Variants in P2RY12 observed in about 807,000 individuals in gnomAD.
P2RY12 encodes the protein P2Y purinoceptor 12.
P2RY12 carries 3 observed loss-of-function variants against 4.5 expected under a neutral mutation model. That is an observed-to-expected ratio of 0.67 (90% CI 0.31 to 1.74). The LOEUF is 1.74. Among genes scored for constraint, P2RY12 ranks in the 40% most tolerant of loss-of-function variants. P2RY12 has a pLI of 0.09. For synonymous variants in P2RY12, 148 were observed against 154.1 expected, an observed-to-expected ratio of 0.96 and a Z score of 0.29; for missense variants, 356 against 407.8, an observed-to-expected ratio of 0.87 and a Z score of 1.09.
At chr3:151,376,119 C>T in intron 1 of P2RY12, 1 of 1,611,318 alleles carries the variant, frequency 6.2e-7, no homozygotes, top group Non-Finnish European at 8.5e-7. Context: ...TATGCAAGCA[C>T]AGAAATTACT....
intron 1 of P2RY12, among the ~76,000 whole-genome samples, chr3:151,342,497 A>G (rs143141393): frequency 3.3e-5 from 5 of 152,342 alleles, no homozygotes; most frequent in Admixed American, 6.5e-5. Context: ...TTGGGCACCA[A>G]TCTAGCTGAG....
At chr3:151,384,534 C>T (rs886459078) in intron 1 of P2RY12, among the ~76,000 whole-genome samples, 158 bp downstream of exon 1, 5 of 151,938 alleles carry the variant, frequency 3.3e-5, no homozygotes, top group African/African-American at 4.8e-5. Context: ...TGGACTGGCA[C>T]GTGTAATTGA....
intron 1 of P2RY12, among the ~76,000 whole-genome samples, chr3:151,381,724 C>T (rs888434491): frequency 6.6e-6 from 1 of 152,096 alleles, no homozygotes; most frequent in Admixed American, 6.5e-5. Context: ...TTTTATTTGT[C>T]CCACTACTAT....
Position 151,375,615 on chromosome 3 carries a change from A to G in P2RY12, c.-180+9077T>C, listed in dbSNP as rs145409089. Among the ~76,000 whole-genome samples, 22 of 152,306 alleles carry G rather than the reference A, an allele frequency of 1.4e-4. 1 individual carries two copies. In the East Asian group the frequency reaches 4.2e-3, roughly 29 times the overall value. Reference sequence around the variant, plus strand: ...GAAGATCGTTTTCTAAATATTTGTTATACTATGTTGTATCTAGTCAGTGAG... The same window carrying G: ...GAAGATCGTTTTCTAAATATTTGTTGTACTATGTTGTATCTAGTCAGTGAG... On this transcript the variant is annotated intron_variant, in intron 1 of 2. Coordinates refer to ENST00000302632, the MANE Select transcript of P2RY12 (RefSeq NM_022788.5).
chr3:151,360,569 G>A, intron 1 of P2RY12: 1 of 1,612,794 alleles, frequency 6.2e-7, no homozygotes, highest in Non-Finnish European at 8.5e-7. Flanking sequence ...TATGTGTCAT[G>A]TAGCCACCTC....
intron 1 of P2RY12, among the ~76,000 whole-genome samples, chr3:151,382,466 C>T (rs547084321): frequency 7.9e-5 from 12 of 152,126 alleles, no homozygotes; most frequent in South Asian, 4.2e-4. Flanking sequence ...CCACCTAGAA[C>T]GGCAAATGCA....
chr3:151,342,300 C>A (rs1751957155), intron 1 of P2RY12, among the ~76,000 whole-genome samples: 1 of 152,248 alleles, frequency 6.6e-6, no homozygotes, highest in Admixed American at 6.5e-5. Context: ...GTGTCTCAAA[C>A]TGCAGTGTCC....
chr3:151,378,992 G>A (rs890422831), intron 1 of P2RY12, among the ~76,000 whole-genome samples: 3 of 152,182 alleles, frequency 2.0e-5, no homozygotes, highest in African/African-American at 7.2e-5. Flanking sequence ...ACACTTAAAG[G>A]TTACATGAGT....
In P2RY12 at chr3:151,369,797, C is replaced by G. The variant is rs892608891; in HGVS notation, c.-180+14895G>C. 3.3e-5 allele frequency among the ~76,000 whole-genome samples: 5 copies of G among 152,210 alleles called. No homozygotes were observed. In the East Asian group the frequency reaches 9.6e-4, roughly 29 times the overall value. Reference sequence around the variant, plus strand: ...TTATGGTATTTTAGTTGCATAATGTCTCATTCTGATGTAAAATAGGTCCTC... The same window carrying G: ...TTATGGTATTTTAGTTGCATAATGTGTCATTCTGATGTAAAATAGGTCCTC... On this transcript the variant is annotated intron_variant, in intron 1 of 2. Coordinates refer to ENST00000302632, the MANE Select transcript of P2RY12 (RefSeq NM_022788.5).
At chr3:151,354,001 C>T (rs532167259) in intron 1 of P2RY12, among the ~76,000 whole-genome samples, 7 of 115,088 alleles carry the variant, frequency 6.1e-5, no homozygotes, top group South Asian at 3.0e-4. Context: ...ATTAGCCGGG[C>T]GTAGTGGCGG....
At position 151,380,321 on chromosome 3, in the gene P2RY12, G is replaced by T. The variant is rs1474593393; in HGVS notation, c.-180+4371C>A. 8.7e-6 allele frequency: 7 copies of T among 808,244 alleles called. No individual in the cohort carries two copies. The South Asian group carries it at 1.0e-4, about 12-fold the overall frequency. The allele number at this position is 808,244 out of a possible 1,614,324, so 50.1% of individuals were successfully genotyped here. A position where few individuals can be genotyped will look rare whatever the true frequency, so the allele number is the denominator to read the frequency against. On this transcript the variant is annotated intron_variant, in intron 1 of 2. Coordinates refer to ENST00000302632, the MANE Select transcript of P2RY12 (RefSeq NM_022788.5). ...CTGAGATTAAATTAATAAGGGCCAGGTGTGGTGGCTCATGCCTGTAATCCC... is the reference window on the plus strand; with the variant it reads ...CTGAGATTAAATTAATAAGGGCCAGTTGTGGTGGCTCATGCCTGTAATCCC...
chr3:151,354,440 A>T (rs1753673052), intron 1 of P2RY12, among the ~76,000 whole-genome samples: 1 of 152,126 alleles, frequency 6.6e-6, no homozygotes, highest in South Asian at 2.1e-4. Context: ...GCCACTATTA[A>T]AAAAGGAATC....
At chr3:151,374,680 A>G (rs1756607162) in intron 1 of P2RY12, among the ~76,000 whole-genome samples, 1 of 152,220 alleles carries the variant, frequency 6.6e-6, no homozygotes, top group African/African-American at 2.4e-5. Context: ...TTCAAAAATT[A>G]TTTGAACTTT....
intron 1 of P2RY12, chr3:151,368,015 G>C: frequency 1.2e-6 from 1 of 833,006 alleles, no homozygotes. Flanking sequence ...CAGAAAAATA[G>C]CCAGGGCCTT....
chr3:151,354,110 C>T (rs1753618225), intron 1 of P2RY12, among the ~76,000 whole-genome samples: 1 of 125,532 alleles, frequency 8.0e-6, no homozygotes. Flanking sequence ...CACTGCACTC[C>T]AGCCTGGGCG....
intron 1 of P2RY12, among the ~76,000 whole-genome samples, chr3:151,356,384 C>T (rs1237167242): frequency 4.6e-5 from 7 of 151,640 alleles, no homozygotes; most frequent in Non-Finnish European, 1.0e-4. Flanking sequence ...AGTGCAAGGC[C>T]CTGTCTCAAA....
At chr3:151,355,524 AATTGATGAGAAATCT>A (rs1444719455) in intron 1 of P2RY12, among the ~76,000 whole-genome samples, 1 of 152,204 alleles carries the variant, frequency 6.6e-6, no homozygotes, top group Non-Finnish European at 1.5e-5. Context: ...CCTATATTGC[AATTGATGAGAAATCT>A]GTTGATGATT....
chr3:151,380,597 C>CAAAAAA (rs56792030), intron 1 of P2RY12, among the ~76,000 whole-genome samples: 1 of 113,310 alleles, frequency 8.8e-6, no homozygotes, highest in Non-Finnish European at 1.9e-5. Flanking sequence ...AACTCTGTCT[C>CAAAAAA]AAAAAAAAAA....
chr3:151,361,421 T>G (rs934690671), intron 1 of P2RY12, among the ~76,000 whole-genome samples: 2 of 78,104 alleles, frequency 2.6e-5, no homozygotes, highest in African/African-American at 1.2e-4. Flanking sequence ...ATCTAATGTT[T>G]CCTGGTATGA....
Sources: gnomAD v4.1 joint callset for allele counts (sites outside exome capture counted in the v4.1 genomes callset) on GRCh38, gnomAD v4.1.1 for gene constraint, MANE v1.5 for transcripts, NCBI Gene and HGNC (gene_info 2026-07-23, HGNC 2026-07-21) for gene names.